Variants in FAM81A observed in about 807,000 individuals in gnomAD.
The protein encoded by FAM81A is protein FAM81A.
Under a neutral mutation model 46.7 loss-of-function variants are expected in FAM81A, and 19 were observed. The ratio of observed to expected loss-of-function variants is 0.41; its 90% confidence interval spans 0.28 to 0.60. FAM81A has a LOEUF of 0.60. Ranked by LOEUF, FAM81A falls within the 20% of genes least tolerant of loss-of-function variation. The pLI, the probability that FAM81A is intolerant of heterozygous loss-of-function variation, is 0.34. For missense variants in FAM81A, 377 were observed against 453.5 expected (o/e 0.83, Z 1.53); for synonymous variants, 183 against 152.9 (o/e 1.20, Z -1.45).
rs191569982 is a variant in FAM81A, at chr15:59,457,943, C to T, written c.-77-607C>T. Among the ~76,000 whole-genome samples, 105 of 152,206 alleles carry T rather than the reference C, an allele frequency of 6.9e-4. 1 individual carries two copies. Among genetic ancestry groups the T allele is most frequent in the Admixed American group, 6.8e-3 (104 of 15,284 alleles). Reference sequence around the variant, plus strand: ...TAATGAGTTGTGGGGACCAAATGTTCCTTATATGCAAGATGAAATATGAAT... The same window carrying T: ...TAATGAGTTGTGGGGACCAAATGTTTCTTATATGCAAGATGAAATATGAAT... On this transcript the variant is annotated intron_variant, in intron 1 of 8. Transcript: ENST00000288228.
At chr15:59,416,951 C>T (rs567699616) in intron 2 of FAM81A, among the ~76,000 whole-genome samples, 18 of 152,090 alleles carry the variant, frequency 1.2e-4, no homozygotes, top group African/African-American at 3.6e-4. Context: ...GTTCTTTCTG[C>T]GAGTAAGCAG....
intron 1 of FAM81A, among the ~76,000 whole-genome samples, chr15:59,453,062 T>C (rs1430362454): frequency 6.6e-6 from 1 of 152,210 alleles, no homozygotes; most frequent in Non-Finnish European, 1.5e-5. Flanking sequence ...CGCTCCTGGC[T>C]GAAAGTTTTA....
intron 3 of FAM81A, among the ~76,000 whole-genome samples, chr15:59,468,342 C>A (rs2141669501): frequency 6.6e-6 from 1 of 152,190 alleles, no homozygotes; most frequent in African/African-American, 2.4e-5. Flanking sequence ...TGGTCCTGGA[C>A]TTTTTTTGAC....
intron 8 of FAM81A, among the ~76,000 whole-genome samples, chr15:59,519,657 C>T (rs1160550947): frequency 6.7e-6 from 1 of 148,214 alleles, no homozygotes; most frequent in African/African-American, 2.5e-5. Context: ...TGAGATCGTG[C>T]AGTATTTTTC....
chr15:59,455,001 C>A (rs2081465219), intron 1 of FAM81A, among the ~76,000 whole-genome samples: 3 of 150,910 alleles, frequency 2.0e-5, no homozygotes, highest in South Asian at 4.2e-4. Flanking sequence ...GTCCCAAACT[C>A]CTGGGCTCAC....
At chr15:59,400,075 G>C (rs1281439077) in intron 1 of FAM81A, among the ~76,000 whole-genome samples, 1 of 152,076 alleles carries the variant, frequency 6.6e-6, no homozygotes, top group East Asian at 1.9e-4. Flanking sequence ...TATCGTAACT[G>C]TTACAGGTGA....
At chr15:59,455,725 A>G (rs956232585) in intron 1 of FAM81A, among the ~76,000 whole-genome samples, 43 of 152,208 alleles carry the variant, frequency 2.8e-4, no homozygotes, top group African/African-American at 1.0e-3. Context: ...CTGAAAAGCC[A>G]TCTCCGATAA....
chr15:59,514,336 G>A lies in FAM81A; in HGVS notation c.698G>A (p.Arg233Gln), dbSNP rs199838691. Residue 233 changes from arginine (R) to glutamine (Q), a missense_variant, in exon 7 of 9, where the codon CGG becomes CAG. Physicochemically the swap from Arg to Gln is conservative, Grantham distance 43. Transcript: ENST00000288228. ...CTCAGTAACCAGATATTATCTGCACGGAGTTGGTTGCAACAGGAACAAGAA... is the reference window on the plus strand; with the variant it reads ...CTCAGTAACCAGATATTATCTGCACAGAGTTGGTTGCAACAGGAACAAGAA... ...EELSNQILSARSWLQQEQERI... is the reference protein window; with the variant it reads ...EELSNQILSAQSWLQQEQERI... 445 of 1,613,338 alleles carry A rather than the reference G, an allele frequency of 2.8e-4. No individual in the cohort carries two copies. Among genetic ancestry groups the A allele is most frequent in the Non-Finnish European group, 3.5e-4 (415 of 1,179,724 alleles).
At chr15:59,499,646 AT>A (rs1567071382) in intron 4 of FAM81A, among the ~76,000 whole-genome samples, 1 of 151,838 alleles carries the variant, frequency 6.6e-6, no homozygotes, top group African/African-American at 2.4e-5. Context: ...ATTTTGCCTT[AT>A]TTTTTTGAAA....
intron 1 of FAM81A, among the ~76,000 whole-genome samples, chr15:59,450,985 G>A (rs867939108): frequency 1.3e-4 from 20 of 152,310 alleles, no homozygotes; most frequent in South Asian, 1.2e-3. Context: ...AAAGGGAGAG[G>A]ACCATGCAAG....
chr15:59,450,027 AT>A (rs1365574859), intron 1 of FAM81A, among the ~76,000 whole-genome samples: 42 of 149,778 alleles, frequency 2.8e-4, no homozygotes, highest in Non-Finnish European at 4.3e-4. Flanking sequence ...GGATCAGGTG[AT>A]CCTCCCACCT....
At chr15:59,417,044 C>CT (rs1188358543) in intron 2 of FAM81A, among the ~76,000 whole-genome samples, 1 of 151,324 alleles carries the variant, frequency 6.6e-6, no homozygotes, top group Non-Finnish European at 1.5e-5. Flanking sequence ...ATGATGGGGG[C>CT]TGGGGTAGGG....
At chr15:59,418,381 A>G (rs11633570) in intron 2 of FAM81A, among the ~76,000 whole-genome samples, 23,679 of 152,270 alleles carry the variant, frequency 0.16, 2,337 homozygotes, top group South Asian at 0.27. Flanking sequence ...CTCATCAGCT[A>G]TAACCCTGCC....
At chr15:59,455,668 T>C (rs1311730584) in intron 1 of FAM81A, among the ~76,000 whole-genome samples, 1 of 152,234 alleles carries the variant, frequency 6.6e-6, no homozygotes, top group African/African-American at 2.4e-5. Context: ...TCATGCCTTA[T>C]GAAATTTCTT....
intron 3 of FAM81A, among the ~76,000 whole-genome samples, chr15:59,483,283 C>T (rs976210951): frequency 6.6e-5 from 10 of 152,002 alleles, no homozygotes; most frequent in Admixed American, 5.9e-4. Flanking sequence ...GTGATCCACC[C>T]GCCTCGGCCT....
chr15:59,515,679 A>T (rs1428412624), intron 7 of FAM81A, among the ~76,000 whole-genome samples: 1 of 152,142 alleles, frequency 6.6e-6, no homozygotes, highest in Non-Finnish European at 1.5e-5. Context: ...TCTTTTAAGT[A>T]TTTCCCCATA....
intron 2 of FAM81A, among the ~76,000 whole-genome samples, chr15:59,402,583 C>T (rs990185083): frequency 1.3e-5 from 2 of 151,940 alleles, no homozygotes; most frequent in African/African-American, 2.4e-5. Context: ...CTCTGTCTTC[C>T]AGGTTGGAGG....
chr15:59,485,394 C>T (rs2081905654), intron 3 of FAM81A, among the ~76,000 whole-genome samples: 1 of 152,202 alleles, frequency 6.6e-6, no homozygotes, highest in Non-Finnish European at 1.5e-5. Flanking sequence ...CACTTCCCAG[C>T]TCCAGGTAGC....
intron 2 of FAM81A, among the ~76,000 whole-genome samples, chr15:59,403,039 T>C (rs2081078888): frequency 7.5e-6 from 1 of 133,842 alleles, no homozygotes; most frequent in Non-Finnish European, 1.7e-5. Flanking sequence ...TACTGATTTA[T>C]ATAGGTTCTA....
Sources: gnomAD v4.1 joint callset for allele counts (sites outside exome capture counted in the v4.1 genomes callset) on GRCh38, gnomAD v4.1.1 for gene constraint, MANE v1.5 for transcripts, NCBI Gene and HGNC (gene_info 2026-07-23, HGNC 2026-07-21) for gene names.